CSMD3: variants seen among roughly 807,000 people sequenced by gnomAD.
The protein encoded by CSMD3 is CUB and Sushi multiple domains 3, also known as CUB and sushi domain-containing protein 3.
CSMD3 carries 177 observed loss-of-function variants against 435.2 expected under a neutral mutation model. The ratio of observed to expected loss-of-function variants is 0.41; its 90% CI spans 0.36 to 0.46. The LOEUF (loss-of-function observed/expected upper bound fraction) is 0.46. Among genes scored for constraint, CSMD3 ranks in the 20% least tolerant of loss-of-function variants. The pLI is 0.34. For missense variants in CSMD3, 4,265 were observed against 4,504.6 expected (o/e 0.95, Z 1.52); for synonymous variants, 1,656 against 1,520.5 (o/e 1.09, Z -2.07).
At chr8:112,766,636 G>A (rs961320858) in intron 13 of CSMD3, among the ~76,000 whole-genome samples, 35 of 151,722 alleles carry the variant, frequency 2.3e-4, no homozygotes, top group African/African-American at 8.2e-4. Flanking sequence ...GACAATAAAC[G>A]GTAAAAGCAA....
chr8:112,666,446 A>G (rs2131708569), intron 16 of CSMD3, 31 bp from the exon 17 acceptor site: 1 of 1,601,228 alleles, frequency 6.2e-7, no homozygotes, highest in Non-Finnish European at 8.5e-7. Context: ...AGTAAGAATA[A>G]AACATTCAAG....
At chr8:112,478,856 G>A (rs981116057) in intron 31 of CSMD3, among the ~76,000 whole-genome samples, 3 of 152,074 alleles carry the variant, frequency 2.0e-5, no homozygotes, top group African/African-American at 7.2e-5. Context: ...TTACCCAATC[G>A]AATGCTGCCT....
At chr8:112,327,436 C>G (rs2130906640) in intron 45 of CSMD3, among the ~76,000 whole-genome samples, 1 of 152,236 alleles carries the variant, frequency 6.6e-6, no homozygotes, top group Admixed American at 6.5e-5. Flanking sequence ...CACATTCAGC[C>G]ACTGGTGGAA....
At chr8:113,228,578 TA>T (rs369071148) in intron 3 of CSMD3, among the ~76,000 whole-genome samples, 13 of 147,086 alleles carry the variant, frequency 8.8e-5, no homozygotes, top group Non-Finnish European at 1.2e-4. Flanking sequence ...TTGAGCACTT[TA>T]AAAAAAAAAC....
intron 12 of CSMD3, among the ~76,000 whole-genome samples, chr8:112,820,994 T>C (rs1230336703): frequency 2.6e-5 from 4 of 152,214 alleles, no homozygotes; most frequent in Non-Finnish European, 5.9e-5. Flanking sequence ...CATTCCTTTT[T>C]ATGGCTGCAT....
intron 5 of CSMD3, among the ~76,000 whole-genome samples, chr8:113,041,488 T>A (rs1220330909): frequency 6.6e-6 from 1 of 152,142 alleles, no homozygotes; most frequent in Non-Finnish European, 1.5e-5. Flanking sequence ...GTCACTTAGA[T>A]CTGAAACTTT....
chr8:113,125,398 G>A (rs1417636153), intron 4 of CSMD3, among the ~76,000 whole-genome samples: 2 of 151,902 alleles, frequency 1.3e-5, no homozygotes, highest in African/African-American at 4.8e-5. Context: ...AAGGATTTGG[G>A]GCTGGAGATT....
chr8:112,340,834 A>G lies in CSMD3; in HGVS notation c.6652+643T>C, dbSNP rs577946992. Reference sequence around the variant, plus strand: ...CTTATCTGAAAGTATAATTAACTCCATTATGCACATGAGCAAATGGAGAGC... The same window carrying G: ...CTTATCTGAAAGTATAATTAACTCCGTTATGCACATGAGCAAATGGAGAGC... On this transcript the variant is annotated intron_variant, in intron 42 of 70. Coordinates refer to ENST00000297405, the MANE Select transcript of CSMD3 (RefSeq NM_198123.2). 2.4e-4 allele frequency among the ~76,000 whole-genome samples: 37 copies of G among 152,258 alleles called. 1 individual carries two copies. The South Asian group carries it at 7.7e-3, about 32-fold the overall frequency.
chr8:113,033,771 C>T (rs1465914157), intron 5 of CSMD3, among the ~76,000 whole-genome samples: 1 of 150,996 alleles, frequency 6.6e-6, no homozygotes. Context: ...TTGGGAGGGT[C>T]TGGGGTGGAA....
At chr8:112,339,590 C>T (rs1347877662) in intron 42 of CSMD3, among the ~76,000 whole-genome samples, 6 of 152,070 alleles carry the variant, frequency 3.9e-5, no homozygotes, top group Non-Finnish European at 5.9e-5. Context: ...GCCAAGAATC[C>T]GGACAACTTG....
intron 37 of CSMD3, among the ~76,000 whole-genome samples, chr8:112,382,673 AT>A (rs1197410036): frequency 2.6e-5 from 4 of 152,180 alleles, no homozygotes; most frequent in Admixed American, 2.6e-4. Flanking sequence ...CTTTTAAATT[AT>A]TGCATAAACT....
chr8:112,876,370 C>T (rs1229161047), intron 10 of CSMD3, among the ~76,000 whole-genome samples: 2 of 64,078 alleles, frequency 3.1e-5, no homozygotes, highest in African/African-American at 2.0e-4. Context: ...GGCAGAGACA[C>T]AACAAAAAAA....
Position 113,206,329 on chromosome 8 carries a change from A to G in CSMD3, c.515-32413T>C, listed in dbSNP as rs148519322. 5.5e-4 allele frequency among the ~76,000 whole-genome samples: 84 copies of G among 151,966 alleles called. 1 individual carries two copies. The East Asian group carries it at 0.014, about 26-fold the overall frequency. On this transcript the variant is annotated intron_variant, in intron 3 of 70. Transcript: ENST00000297405. ...CCATTGCCATCCATCAAAATTCTATACTCTTTTTCCATTTAATTTTCAATG... is the reference window on the plus strand; with the variant it reads ...CCATTGCCATCCATCAAAATTCTATGCTCTTTTTCCATTTAATTTTCAATG...
chr8:113,399,078 CATAT>C (rs764141337), intron 1 of CSMD3, among the ~76,000 whole-genome samples: 48 of 90,832 alleles, frequency 5.3e-4, no homozygotes, highest in Middle Eastern at 6.4e-3. Flanking sequence ...AAGGATAGTT[CATAT>C]ATATATATAT....
intron 25 of CSMD3, among the ~76,000 whole-genome samples, chr8:112,554,150 T>G (rs747801674): frequency 6.6e-6 from 1 of 151,742 alleles, no homozygotes; most frequent in Admixed American, 6.6e-5. Context: ...TTCCTTAAAT[T>G]AAATAAAGCT....
intron 10 of CSMD3, among the ~76,000 whole-genome samples, chr8:112,863,574 C>T (rs1205535517): frequency 6.6e-6 from 1 of 151,984 alleles, no homozygotes; most frequent in Non-Finnish European, 1.5e-5. Flanking sequence ...ACACACATCT[C>T]TCCATTCTTA....
chr8:112,301,877 C>G lies in CSMD3; in HGVS notation c.8356G>C (p.Asp2786His), dbSNP rs747333485. Reference sequence around the variant, plus strand: ...GAGCCCACAAGCATGAATCCCAAGTCGCAGGTAAAGATAGCTGTTGAGCCA... The same window carrying G: ...GAGCCCACAAGCATGAATCCCAAGTGGCAGGTAAAGATAGCTGTTGAGCCA... ...SYGSTAIFTC[D>H]LGFMLVGSAV... Residue 2786 changes from aspartate to histidine, a missense_variant, in exon 53 of 71, where the codon GAC becomes CAC. Transcript: ENST00000297405. 1.1e-5 allele frequency: 18 copies of G among 1,613,546 alleles called. No individual in the cohort carries two copies. Among genetic ancestry groups the G allele is most frequent in the Non-Finnish European group, 1.5e-5 (18 of 1,179,646 alleles).
chr8:113,288,191 T>C (rs114047556), intron 2 of CSMD3, among the ~76,000 whole-genome samples: 1,540 of 151,988 alleles, frequency 0.01, 23 homozygotes, highest in African/African-American at 0.036. Flanking sequence ...ATTTTAACTT[T>C]TGGCATTTTT....
chr8:113,274,884 G>A, intron 3 of CSMD3, among the ~76,000 whole-genome samples: 1 of 145,474 alleles, frequency 6.9e-6, no homozygotes, highest in Non-Finnish European at 1.5e-5. Context: ...GGGAGGGAGG[G>A]AGGGAGGGAG....
Sources: allele counts gnomAD v4.1 joint callset (sites outside exome capture counted in the v4.1 genomes callset), GRCh38; gene constraint gnomAD v4.1.1; transcripts MANE v1.5; gene names NCBI Gene and HGNC (gene_info 2026-07-23, HGNC 2026-07-21).